The following FPR3 variants were observed in gnomAD, a reference collection of about 807,000 sequenced individuals.
The protein encoded by FPR3 is N-formyl peptide receptor 3.
For missense variants in FPR3, 346 were observed against 443.2 expected, an observed-to-expected ratio of 0.78 and a Z score of 1.97; for synonymous variants, 135 against 163.6, an observed-to-expected ratio of 0.83 and a Z score of 1.34.
rs148099605 is a variant in FPR3 at position 51,819,249 on chromosome 19, G to A, written c.-10-4490G>A. Among the ~76,000 whole-genome samples, 85 of 152,300 alleles carry A rather than the reference G, an allele frequency of 5.6e-4. 1 individual carries two copies. In the East Asian group the frequency reaches 0.015, roughly 27 times the overall value. On this transcript the variant is annotated intron_variant, in intron 1 of 1. Transcript: ENST00000339223. ...GTTTGGAGTGTCTATGGGACTGCAG[G>A]GGAGATATCAAGAAGTCAATTGGTT... is the stretch of plus-strand genomic sequence containing the variant.
At chr19:51,814,742 C>G (rs2084122084) in intron 1 of FPR3, among the ~76,000 whole-genome samples, 1 of 152,162 alleles carries the variant, frequency 6.6e-6, no homozygotes, top group African/African-American at 2.4e-5. Context: ...ATCTGCCCAC[C>G]TCGGCCTCCC....
intron 1 of FPR3, among the ~76,000 whole-genome samples, chr19:51,811,925 C>A (rs2084099882): frequency 6.6e-6 from 1 of 152,162 alleles, no homozygotes; most frequent in Non-Finnish European, 1.5e-5. Context: ...CCCATGGGGT[C>A]TTCGGCTCCC....
chr19:51,799,762 C>T (rs2084018320), intron 1 of FPR3, among the ~76,000 whole-genome samples: 1 of 152,222 alleles, frequency 6.6e-6, no homozygotes, highest in African/African-American at 2.4e-5. Flanking sequence ...CATCAGAAAC[C>T]CTTTCTGGGA....
At chr19:51,816,026 C>T (rs780472602) in intron 1 of FPR3, among the ~76,000 whole-genome samples, 2 of 151,356 alleles carry the variant, frequency 1.3e-5, no homozygotes, top group Middle Eastern at 6.8e-3. Context: ...GTGACTGCAC[C>T]ACTACACCCC....
Position 51,824,707 on chromosome 19 carries a change from G to A in FPR3, c.959G>A (p.Ser320Asn), listed in dbSNP as rs2084219171. ...AGACTGATTCGCTCTTTGCCCACTAGTTTGGAGAGGGCCCTGACTGAGGTC... is the reference window on the plus strand; with the variant it reads ...AGACTGATTCGCTCTTTGCCCACTAATTTGGAGAGGGCCCTGACTGAGGTC... Reference protein sequence around the residue: ...QERLIRSLPTSLERALTEVPD... With the variant: ...QERLIRSLPTNLERALTEVPD... The change falls in exon 2 of 2, where the codon AGT becomes AAT. Residue 320 changes from serine (S) to asparagine (N), a missense_variant. By Grantham distance (46) the Ser-to-Asn change is conservative (BLOSUM62 1). Transcript: ENST00000339223. This position sits in a 1 kb window ranked among gnomAD's most constrained non-coding sequence, Gnocchi z 4.7. 1.2e-6 allele frequency: 2 copies of A among 1,613,920 alleles called. No individual in the cohort carries two copies. Among genetic ancestry groups the A allele is most frequent in the African/African-American group, 1.3e-5 (1 of 74,884 alleles).
intron 1 of FPR3, among the ~76,000 whole-genome samples, chr19:51,813,119 AACACAC>A (rs35245083): frequency 0.014 from 1,929 of 137,200 alleles, 44 homozygotes; most frequent in African/African-American, 0.048. Context: ...GCTCTGTCTC[AACACAC>A]ACACACACAC....
chr19:51,806,120 T>C (rs2084056997), intron 1 of FPR3, among the ~76,000 whole-genome samples: 1 of 152,170 alleles, frequency 6.6e-6, no homozygotes. Context: ...TCTTTACAAA[T>C]GTAACATTAA....
chr19:51,804,969 T>C (rs2084048519), intron 1 of FPR3: 1 of 152,164 alleles, frequency 6.6e-6, no homozygotes, highest in South Asian at 2.1e-4. Flanking sequence ...AAGACTGCAT[T>C]CTCTAGATGT....
chr19:51,818,567 G>A (rs909805818), intron 1 of FPR3, among the ~76,000 whole-genome samples: 1 of 152,174 alleles, frequency 6.6e-6, no homozygotes, highest in Non-Finnish European at 1.5e-5. Context: ...TTTTGCAAAT[G>A]GGTTAAGAGA....
At chr19:51,814,499 G>GT (rs1243469957) in intron 1 of FPR3, among the ~76,000 whole-genome samples, 4 of 142,076 alleles carry the variant, frequency 2.8e-5, no homozygotes, top group East Asian at 4.1e-4. Context: ...TGTTTGTTTT[G>GT]TTTTTTTGTT....
At chr19:51,823,346 T>C (rs2084204642) in intron 1 of FPR3, among the ~76,000 whole-genome samples, 1 of 152,148 alleles carries the variant, frequency 6.6e-6, no homozygotes. Flanking sequence ...GTTGCAGAGC[T>C]TGCCAGCATG....
intron 1 of FPR3, among the ~76,000 whole-genome samples, chr19:51,818,535 T>C (rs1366048033): frequency 6.6e-6 from 1 of 152,188 alleles, no homozygotes; most frequent in Admixed American, 6.5e-5. Flanking sequence ...TCTGGTGACA[T>C]AGGCTGGACC....
chr19:51,800,861 A>C (rs1310655921), intron 1 of FPR3, among the ~76,000 whole-genome samples: 2 of 152,220 alleles, frequency 1.3e-5, no homozygotes, highest in Non-Finnish European at 2.9e-5. Context: ...GGAAATAAAA[A>C]GTATATAAAT....
intron 1 of FPR3, among the ~76,000 whole-genome samples, chr19:51,821,800 C>T (rs2084191947): frequency 6.6e-6 from 1 of 151,602 alleles, no homozygotes; most frequent in African/African-American, 2.4e-5. Flanking sequence ...CCTACAAAAA[C>T]CCCAAGGCCA....
chr19:51,822,818 T>C (rs2084200396), intron 1 of FPR3, among the ~76,000 whole-genome samples: 1 of 152,162 alleles, frequency 6.6e-6, no homozygotes, highest in Non-Finnish European at 1.5e-5. Flanking sequence ...GCCCTCTTTG[T>C]TGACTTCATC....
chr19:51,795,944 T>G (rs2083996128), intron 1 of FPR3, among the ~76,000 whole-genome samples: 1 of 152,254 alleles, frequency 6.6e-6, no homozygotes, highest in Non-Finnish European at 1.5e-5. Context: ...TAACACATTA[T>G]ATTTCTACTG....
Position 51,824,848 on chromosome 19 carries a change from T to G in FPR3, c.*38T>G. 6.7e-7 allele frequency: 1 copy of G among 1,497,826 alleles called. No individual in the cohort carries two copies. The highest frequency in any genetic ancestry group is 9.0e-7 in the Non-Finnish European group (1 of 1,115,412). The allele number at this position is 1,497,826 out of a possible 1,614,324, so 92.8% of individuals were successfully genotyped here. ...TTTTGGGCTCTGTCTCTTTCTACCC[T>G]GCGTTAAGCGGAAAAAAAAAATTCT... On this transcript the variant is annotated 3_prime_UTR_variant, in exon 2 of 2. Coordinates refer to ENST00000339223, the MANE Select transcript of FPR3 (RefSeq NM_002030.5). This position sits in a 1 kb window ranked among gnomAD's most constrained non-coding sequence, Gnocchi z 4.7.
At chr19:51,801,853 G>C (rs4802868) in intron 1 of FPR3, among the ~76,000 whole-genome samples, 7,257 of 152,214 alleles carry the variant, frequency 0.048, 376 homozygotes, top group East Asian at 0.21. Flanking sequence ...CCATAATCTT[G>C]AGAAGCTAAC....
rs2084221683 is a variant in FPR3 at position 51,824,950 on chromosome 19, G to A, written c.*140G>A. The A allele has an allele frequency of 4.2e-6, 3 of 715,006 alleles. No individual in the cohort carries two copies. Among genetic ancestry groups the A allele is most frequent in the South Asian group, 2.0e-5 (1 of 50,694 alleles). The allele number at this position is 715,006 out of a possible 1,614,324, so 44.3% of individuals were successfully genotyped here. ...AAAGGAAGTCTGTACCAAATCTGTA[G>A]GGGGTTTTTCCCACAACCAAGCAAT... is the stretch of plus-strand genomic sequence containing the variant. On this transcript the variant is annotated 3_prime_UTR_variant, in exon 2 of 2. Coordinates refer to ENST00000339223, the MANE Select transcript of FPR3 (RefSeq NM_002030.5). The surrounding 1 kb of genome is among the most constrained non-coding windows in gnomAD (Gnocchi z 4.7).
Sources: gnomAD v4.1 joint callset for allele counts (sites outside exome capture counted in the v4.1 genomes callset) on GRCh38, gnomAD v4.1.1 for gene constraint, Gnocchi (gnomAD v3.1) non-coding constraint, MANE v1.5 for transcripts, NCBI Gene and HGNC (gene_info 2026-07-23, HGNC 2026-07-21) for gene names.